The following ABHD12 variants were observed in gnomAD, a reference collection of about 807,000 sequenced individuals.
The protein encoded by ABHD12 is lysophosphatidylserine lipase ABHD12.
ABHD12 carries 43 observed loss-of-function variants against 58.3 expected under a neutral mutation model. That is an observed-to-expected ratio of 0.74 (90% confidence interval 0.58 to 0.95). The LOEUF is 0.95. ABHD12 is among the 40% of genes least tolerant of loss of function. ABHD12 has a pLI of 0.00. For synonymous variants in ABHD12, 219 were observed against 211.2 expected (o/e 1.04, Z -0.32); for missense variants, 539 against 537.2 (o/e 1.00, Z -0.03).
At chr20:25,373,548 A>G (rs1356067823) in intron 1 of ABHD12, among the ~76,000 whole-genome samples, 1 of 151,282 alleles carries the variant, frequency 6.6e-6, no homozygotes, top group East Asian at 1.9e-4. Flanking sequence ...CACCGTCTCA[A>G]AAAAAAAAAT....
intron 1 of ABHD12, among the ~76,000 whole-genome samples, chr20:25,351,686 G>A (rs1441146029): frequency 6.6e-6 from 1 of 152,172 alleles, no homozygotes; most frequent in Non-Finnish European, 1.5e-5. Context: ...AGGCCAGGCG[G>A]GTGGATCACC....
At chr20:25,300,113 GT>G (rs2088608589), downstream of ABHD12, 1 of 845,626 alleles carries the variant, frequency 1.2e-6, no homozygotes, top group African/African-American at 1.8e-5. Flanking sequence ...CTGAGGCTGA[GT>G]CATGGAGTGG....
intron 2 of ABHD12, among the ~76,000 whole-genome samples, chr20:25,329,794 T>C (rs1365658530): frequency 1.3e-5 from 2 of 152,102 alleles, no homozygotes; most frequent in Non-Finnish European, 2.9e-5. Flanking sequence ...TTGGGTTTTA[T>C]CAAATTCCAA....
chr20:25,346,300 G>A (rs938044968), intron 1 of ABHD12, among the ~76,000 whole-genome samples: 2 of 152,204 alleles, frequency 1.3e-5, no homozygotes, highest in African/African-American at 4.8e-5. Context: ...AAAAAGATTA[G>A]TGGTCATCCA....
intron 1 of ABHD12, among the ~76,000 whole-genome samples, chr20:25,354,642 CA>C (rs752537868): frequency 6.6e-6 from 1 of 152,052 alleles, no homozygotes. Context: ...CCCATTTACA[CA>C]ACCACAGGAT....
intron 6 of ABHD12, 103 bp from the exon 7 acceptor site, chr20:25,309,678 G>T (rs2088813051): frequency 6.5e-7 from 1 of 1,544,398 alleles, no homozygotes; most frequent in African/African-American, 1.4e-5. Context: ...AGACAGGGAG[G>T]GGCCCGCTTG....
chr20:25,344,514 AAAC>A (rs1223632513), intron 1 of ABHD12, among the ~76,000 whole-genome samples: 1 of 152,250 alleles, frequency 6.6e-6, no homozygotes, highest in Non-Finnish European at 1.5e-5. Flanking sequence ...AACTCTGATG[AAAC>A]GTATAAAGGA....
chr20:25,379,740 T>TA (rs375171597), intron 1 of ABHD12, among the ~76,000 whole-genome samples: 2 of 152,168 alleles, frequency 1.3e-5, no homozygotes, highest in East Asian at 1.9e-4. Flanking sequence ...TATTTATATA[T>TA]TTTTTTGAGA....
intron 1 of ABHD12, among the ~76,000 whole-genome samples, chr20:25,379,732 T>C (rs2090000335): frequency 6.6e-6 from 1 of 152,162 alleles, no homozygotes; most frequent in South Asian, 2.1e-4. Flanking sequence ...CTTTTATTTA[T>C]TTATATATTT....
intron 2 of ABHD12, among the ~76,000 whole-genome samples, chr20:25,331,061 T>C (rs942801196): frequency 1.3e-5 from 2 of 152,068 alleles, no homozygotes; most frequent in Admixed American, 6.5e-5. Context: ...AGTTGAAAAC[T>C]TGGAAAAAAA....
At chr20:25,376,077 G>A (rs1277755396) in intron 1 of ABHD12, among the ~76,000 whole-genome samples, 8 of 152,004 alleles carry the variant, frequency 5.3e-5, no homozygotes, top group Admixed American at 1.3e-4. Flanking sequence ...AGCCCAGATC[G>A]CACCACTGCA....
rs1290185808 is a variant in ABHD12, at chr20:25,322,379, A to ATTTTTTT, written c.422+945_422+946insAAAAAAA. ...TTGGAAAAGATATATATATATATAT[A>ATTTTTTT]TATTTTTTTTTTTTTTTGAGACAAG... On this transcript the variant is annotated intron_variant, in intron 3 of 12. Coordinates refer to ENST00000339157, the MANE Select transcript of ABHD12 (RefSeq NM_001042472.3). Among the ~76,000 whole-genome samples the ATTTTTTT allele has an allele frequency of 1.5e-3, 79 of 53,686 alleles. 1 individual carries two copies. The highest frequency in any genetic ancestry group is 5.7e-3 in the African/African-American group (74 of 13,092). 35.2% of individuals were successfully genotyped at this position (53,686 alleles called of 152,430 possible). A position where few individuals can be genotyped will look rare whatever the true frequency, so the allele number is the denominator to read the frequency against.
chr20:25,304,562 TTTTG>T (rs2088699944), intron 10 of ABHD12, among the ~76,000 whole-genome samples: 3 of 152,160 alleles, frequency 2.0e-5, no homozygotes, highest in Non-Finnish European at 1.5e-5. Context: ...AACTTGCTTT[TTTTG>T]TTTGTTTTTA....
intron 1 of ABHD12, among the ~76,000 whole-genome samples, chr20:25,374,846 T>A (rs1182581226): frequency 6.6e-6 from 1 of 152,192 alleles, no homozygotes; most frequent in Non-Finnish European, 1.5e-5. Context: ...TGCGTGTCAG[T>A]ACTCAGTCGG....
chr20:25,342,067 A>T (rs1262586465), intron 1 of ABHD12, among the ~76,000 whole-genome samples: 1 of 147,712 alleles, frequency 6.8e-6, no homozygotes, highest in Non-Finnish European at 1.5e-5. Flanking sequence ...AAATGTTCAC[A>T]GCTTCAGCCT....
At position 25,317,035 on chromosome 20, in the gene ABHD12, T is replaced by C; in HGVS notation, c.573+13A>G. 6.2e-7 allele frequency: 1 copy of C among 1,612,160 alleles called. No homozygotes were observed. The highest frequency in any genetic ancestry group is 8.5e-7 in the Non-Finnish European group (1 of 1,178,790). Reference sequence around the variant, plus strand: ...CAGCCCAGGGAACAGGTGTGGGTGCTGCCTGCACTCACCTTGTAAAGCTCC... The same window carrying C: ...CAGCCCAGGGAACAGGTGTGGGTGCCGCCTGCACTCACCTTGTAAAGCTCC... On this transcript the variant is annotated intron_variant, in intron 5 of 12. Transcript: ENST00000339157.
At chr20:25,297,439 C>T (rs898791831), downstream of ABHD12, 5 of 152,498 alleles carry the variant, frequency 3.3e-5, no homozygotes, top group Admixed American at 3.3e-4. Context: ...CCTGCTGTGT[C>T]CTGAGGTGCA....
intron 7 of ABHD12, among the ~76,000 whole-genome samples, chr20:25,309,035 C>T (rs1057088685): frequency 1.3e-5 from 2 of 152,206 alleles, no homozygotes; most frequent in Non-Finnish European, 1.5e-5. Flanking sequence ...GCCCTGAGAG[C>T]AGAGGTTCCC....
At position 25,303,577 on chromosome 20, in the gene ABHD12, C is replaced by T. The variant is rs763489829; in HGVS notation, c.1002G>A (p.Pro334=). ...PLLILHAEDD[P]VVPFQLGRKL... is the part of the protein sequence containing the mutation. The stretch of plus-strand genomic sequence containing the variant: ...TTCTGCCAAGCTGGAAGGGCACCAC[C>T]GGGTCGTCCTCAGCGTGCAGGATGA... The change falls in exon 11 of 13, where the codon CCG becomes CCA. Residue 334 remains proline, a synonymous_variant. Coordinates refer to ENST00000339157, the MANE Select transcript of ABHD12 (RefSeq NM_001042472.3). 41 of 1,613,682 alleles carry T rather than the reference C, an allele frequency of 2.5e-5. No homozygotes were observed. Among genetic ancestry groups the T allele is most frequent in the East Asian group, 1.1e-4 (5 of 44,892 alleles).
Sources: gnomAD v4.1 joint callset for allele counts (sites outside exome capture counted in the v4.1 genomes callset) on GRCh38, gnomAD v4.1.1 for gene constraint, MANE v1.5 for transcripts, NCBI Gene and HGNC (gene_info 2026-07-23, HGNC 2026-07-21) for gene names.